CRACD: variants seen among roughly 807,000 people sequenced by gnomAD.
CRACD encodes capping protein inhibiting regulator of actin dynamics.
Under a neutral mutation model 106.8 loss-of-function variants are expected in CRACD, and 56 were observed. The observed-to-expected ratio is 0.52, with a 90% confidence interval of 0.42 to 0.66. CRACD has a LOEUF of 0.66. Among genes scored for constraint, CRACD ranks in the 30% least tolerant of loss-of-function variants. The pLI is 0.00. For missense variants in CRACD, 1,730 were observed against 1,623.2 expected, an observed-to-expected ratio of 1.07 and a Z score of -1.13; for synonymous variants, 754 against 670.8, an observed-to-expected ratio of 1.12 and a Z score of -1.92.
chr4:56,074,944 CAT>C (rs1161039589), intron 1 of CRACD, among the ~76,000 whole-genome samples: 4 of 152,112 alleles, frequency 2.6e-5, no homozygotes, highest in South Asian at 4.1e-4. Context: ...TGGAGACAAT[CAT>C]GTGGTTTTTG....
chr4:56,284,292 TAAA>T (rs59270238), intron 3 of CRACD, among the ~76,000 whole-genome samples: 2 of 45,474 alleles, frequency 4.4e-5, no homozygotes, highest in Non-Finnish European at 3.6e-5. Context: ...CATCCTAAAG[TAAA>T]AAAAAAAAAA....
intron 1 of CRACD, among the ~76,000 whole-genome samples, chr4:56,119,851 T>C (rs1354433188): frequency 6.6e-6 from 1 of 152,154 alleles, no homozygotes; most frequent in African/African-American, 2.4e-5. Flanking sequence ...GTCTCATCCA[T>C]ATCTGCTCAT....
chr4:56,131,259 A>T (rs1734815221), intron 1 of CRACD, among the ~76,000 whole-genome samples: 1 of 152,164 alleles, frequency 6.6e-6, no homozygotes, highest in Non-Finnish European at 1.5e-5. Context: ...CTGTTTCCTC[A>T]TCTCGATTAA....
At chr4:56,253,892 A>G (rs1052483000) in intron 2 of CRACD, among the ~76,000 whole-genome samples, 5 of 152,218 alleles carry the variant, frequency 3.3e-5, no homozygotes, top group African/African-American at 9.6e-5. Flanking sequence ...GACAGAGGAC[A>G]GCTCTGGGTT....
chr4:56,170,780 A>G (rs1027145253), intron 1 of CRACD, among the ~76,000 whole-genome samples: 4 of 152,192 alleles, frequency 2.6e-5, no homozygotes, highest in African/African-American at 9.6e-5. Flanking sequence ...TCGAGGTTAC[A>G]GTGATCTGTG....
At chr4:56,309,620 G>A (rs561913363) in intron 5 of CRACD, among the ~76,000 whole-genome samples, 10 of 152,260 alleles carry the variant, frequency 6.6e-5, no homozygotes, top group South Asian at 2.1e-4. Context: ...TTGGGAGGCC[G>A]AGGTGGGCGG....
rs1454213679 is a variant in CRACD, at chr4:56,330,102, G to A, written c.*2298G>A. ...TGTTATTTTGCTTTAGTAGTCTTCT[G>A]AGCAACAAACTATGGGGAATTCTGT... On this transcript the variant is annotated 3_prime_UTR_variant, in exon 11 of 11. Transcript: ENST00000682029. Among the ~76,000 whole-genome samples, 2 of 151,878 alleles carry A rather than the reference G, an allele frequency of 1.3e-5. No individual in the cohort carries two copies. Among genetic ancestry groups the A allele is most frequent in the Non-Finnish European group, 2.9e-5 (2 of 67,994 alleles).
chr4:56,119,329 CT>C (rs11295008), intron 1 of CRACD, among the ~76,000 whole-genome samples: 4,111 of 146,676 alleles, frequency 0.028, 192 homozygotes, highest in African/African-American at 0.095. Flanking sequence ...TATTCTCAGT[CT>C]TTTTTTTTTT....
At chr4:56,272,898 C>CAAA (rs11434095) in intron 3 of CRACD, among the ~76,000 whole-genome samples, 7 of 124,944 alleles carry the variant, frequency 5.6e-5, no homozygotes, top group African/African-American at 5.9e-5. Context: ...GACTCTGCCT[C>CAAA]AAAAAAAAAA....
intron 2 of CRACD, among the ~76,000 whole-genome samples, chr4:56,216,986 C>CA (rs369354563): frequency 5.5e-3 from 359 of 65,080 alleles, no homozygotes; most frequent in African/African-American, 0.016. Flanking sequence ...GACTCCGTCT[C>CA]AAAAAAAAAA....
chr4:56,060,209 CCT>C lies in CRACD; in HGVS notation c.-336+10911_-336+10912del, dbSNP rs144618085. On this transcript the variant is annotated intron_variant, in intron 1 of 10. Transcript: ENST00000682029. ...GAACGTGGAGGAGTGGTGCGTGTCC[CCT>C]GTTTCCTTCTCGCCTCCCTACTCCA... 1.6e-3 allele frequency among the ~76,000 whole-genome samples: 246 copies of C among 151,934 alleles called. 2 individuals carry two copies. The highest frequency in any genetic ancestry group is 5.4e-3 in the African/African-American group (225 of 41,434).
intron 2 of CRACD, among the ~76,000 whole-genome samples, chr4:56,251,132 G>A (rs192601785): frequency 1.2e-4 from 19 of 152,186 alleles, no homozygotes; most frequent in African/African-American, 4.3e-4. Context: ...TGGATATTTG[G>A]TCTAGGAAGG....
chr4:56,129,724 A>T (rs992114157), intron 1 of CRACD, among the ~76,000 whole-genome samples: 3 of 152,204 alleles, frequency 2.0e-5, no homozygotes, highest in Non-Finnish European at 1.5e-5. Context: ...GATAAGACAG[A>T]ATCCTGGCCC....
At chr4:56,298,640 G>A (rs953558150) in intron 4 of CRACD, among the ~76,000 whole-genome samples, 2 of 152,134 alleles carry the variant, frequency 1.3e-5, no homozygotes, top group Admixed American at 6.6e-5. Flanking sequence ...AAGAGAAGCT[G>A]CAGGACTTGG....
chr4:56,073,499 ATAAGGAAACGGAGAGTCCTTATTCATAT>A (rs957619863), intron 1 of CRACD, among the ~76,000 whole-genome samples: 9 of 152,310 alleles, frequency 5.9e-5, no homozygotes, highest in African/African-American at 2.2e-4. Context: ...CATTGTGCAG[ATAAGGAAACGGAGAGTCCTTATTCATAT>A]CCTTTGCCCA....
chr4:56,207,374 A>G (rs1237256337), intron 2 of CRACD, among the ~76,000 whole-genome samples: 4 of 152,208 alleles, frequency 2.6e-5, no homozygotes, highest in Admixed American at 6.5e-5. Flanking sequence ...ACTCCAAACC[A>G]TGGAGAAAGA....
At chr4:56,288,384 G>A (rs1743494398) in intron 3 of CRACD, 2 of 233,242 alleles carry the variant, frequency 8.6e-6, no homozygotes, top group African/African-American at 2.3e-5. Context: ...ATCAGCTCTT[G>A]CCCCCCGCTC....
At chr4:56,117,353 A>G (rs1734330518) in intron 1 of CRACD, among the ~76,000 whole-genome samples, 1 of 152,138 alleles carries the variant, frequency 6.6e-6, no homozygotes, top group Non-Finnish European at 1.5e-5. Context: ...ACTTTTCCAT[A>G]ATGAAACTTG....
chr4:56,185,810 A>ATG, intron 2 of CRACD, among the ~76,000 whole-genome samples: 1 of 152,274 alleles, frequency 6.6e-6, no homozygotes, highest in South Asian at 2.1e-4. Flanking sequence ...TCTGAACTTC[A>ATG]GTTTATCCCA....
Sources: gnomAD v4.1 joint callset for allele counts (sites outside exome capture counted in the v4.1 genomes callset) on GRCh38, gnomAD v4.1.1 for gene constraint, MANE v1.5 for transcripts, NCBI Gene and HGNC (gene_info 2026-07-23, HGNC 2026-07-21) for gene names.